LTBP4: variants seen among roughly 807,000 people sequenced by gnomAD.
The protein encoded by LTBP4 is latent-transforming growth factor beta-binding protein 4.
In LTBP4, 93 loss-of-function variants were observed where a neutral mutation model predicts 180.2. The observed-to-expected ratio is 0.52, with a 90% CI of 0.44 to 0.61. LTBP4 has a LOEUF of 0.61. LTBP4 is among the 20% of genes least tolerant of loss of function. The pLI, the probability that LTBP4 is intolerant of heterozygous loss-of-function variation, is 0.00. For synonymous variants in LTBP4, 947 were observed against 934.5 expected (o/e 1.01, Z -0.24); for missense variants, 2,116 against 2,256.5 (o/e 0.94, Z 1.26).
chr19:40,606,582 C>A, intron 6 of LTBP4, 56 bp downstream of exon 6: 2 of 1,527,138 alleles, frequency 1.3e-6, no homozygotes, highest in Non-Finnish European at 1.8e-6. Context: ...CCTCAGAAGT[C>A]CCAGAGCATC....
chr19:40,597,308 C>A, upstream of LTBP4: 1 of 1,526,646 alleles, frequency 6.6e-7, no homozygotes. Flanking sequence ...GCAGCCGCCA[C>A]CTCCGCCGCC....
rs755535017 is a variant in LTBP4 at position 40,613,030 on chromosome 19, A to T, written c.2300-35A>T. The T allele has an allele frequency of 1.7e-5, 27 of 1,605,846 alleles. No homozygotes were observed. In the South Asian group the frequency reaches 3.0e-4, roughly 18 times the overall value. ...GGGGATTGGTCGGGTGTGTCCCGAG[A>T]CTGGACCCTTTCTGAACACCCCCAC... On this transcript the variant is annotated intron_variant, in intron 15 of 29. Transcript: ENST00000396819. This position sits in a 1 kb window ranked among gnomAD's most constrained non-coding sequence, Gnocchi z 5.0.
intron 6 of LTBP4, 47 bp downstream of exon 6, chr19:40,606,573 C>T (rs2081464193): frequency 1.3e-6 from 2 of 1,534,462 alleles, no homozygotes; most frequent in South Asian, 1.2e-5. Flanking sequence ...CCTCCCTGCC[C>T]TCAGAAGTCC....
chr19:40,599,481 A>C (rs1599857044), upstream of LTBP4: 1 of 1,613,822 alleles, frequency 6.2e-7, no homozygotes, highest in Non-Finnish European at 8.5e-7. Context: ...CGGTGCCTGA[A>C]CCCAGTGCCT....
Position 40,605,183 on chromosome 19 carries a change from C to T in LTBP4, c.399C>T (p.Ser133=). 6.2e-7 allele frequency: 1 copy of T among 1,608,244 alleles called. No individual in the cohort carries two copies. ...PAPAVPGLTR[S]VYTMPLANHR... Reference sequence around the variant, plus strand: ...CGGCTGTACCAGGCCTCACCCGCTCCGTGTACACTATGCCACTGGCCAACC... The same window carrying T: ...CGGCTGTACCAGGCCTCACCCGCTCTGTGTACACTATGCCACTGGCCAACC... The change falls in exon 2 of 30, where the codon TCC becomes TCT. Residue 133 remains serine (S), a synonymous_variant. Coordinates refer to ENST00000396819, the MANE Select transcript of LTBP4 (RefSeq NM_001042545.2). The surrounding 1 kb of genome is among the most constrained non-coding windows in gnomAD (Gnocchi z 5.5).
chr19:40,613,191 G>A lies in LTBP4; in HGVS notation c.2426G>A (p.Cys809Tyr). Residue 809 changes from cysteine to tyrosine, a missense_variant, in exon 16 of 30, where the codon TGC (cysteine) becomes TAC (tyrosine). Coordinates refer to ENST00000396819, the MANE Select transcript of LTBP4 (RefSeq NM_001042545.2). This position sits in a 1 kb window ranked among gnomAD's most constrained non-coding sequence, Gnocchi z 5.0. ...YRAPSGRPGP[C>Y]ADVNECLEGD... ...GCGCCGTCGGGTCGGCCCGGGCCCT[G>A]CGCAGGTGAGCAGCATAGGGACCCG... The A allele has an allele frequency of 6.4e-7, 1 of 1,566,380 alleles. No homozygotes were observed. Among genetic ancestry groups the A allele is most frequent in the Non-Finnish European group, 8.7e-7 (1 of 1,155,754 alleles).
At chr19:40,600,696 C>T (rs189177722), upstream of LTBP4, among the ~76,000 whole-genome samples, 1 of 152,158 alleles carries the variant, frequency 6.6e-6, no homozygotes, top group Non-Finnish European at 1.5e-5. The surrounding 1 kb of genome is among the most constrained non-coding windows in gnomAD (Gnocchi z 4.4). Context: ...TGTGACCCCT[C>T]CCCCTAAAGT....
intron 22 of LTBP4, among the ~76,000 whole-genome samples, chr19:40,620,757 G>A (rs2081580942): frequency 9.8e-6 from 1 of 102,426 alleles, no homozygotes. Context: ...GAGAGAGGAA[G>A]ACTCCGTCCC....
chr19:40,606,909 G>A (rs757214517), intron 6 of LTBP4, among the ~76,000 whole-genome samples: 2 of 152,080 alleles, frequency 1.3e-5, no homozygotes, highest in South Asian at 2.1e-4. Flanking sequence ...CACCATGCCC[G>A]GCTAAATTTT....
At chr19:40,600,090 CT>C (rs747013505), upstream of LTBP4, 171 of 1,261,218 alleles carry the variant, frequency 1.4e-4, no homozygotes, top group Non-Finnish European at 1.6e-4. The surrounding 1 kb of genome is among the most constrained non-coding windows in gnomAD (Gnocchi z 4.4). Flanking sequence ...CAGAGCTCTA[CT>C]GAAGCGGCGG....
chr19:40,613,529 G>C lies in LTBP4; in HGVS notation c.2557G>C (p.Asp853His). Residue 853 changes from aspartate (D) to histidine (H), a missense_variant and splice_region_variant, in exon 17 of 30, where the codon GAC becomes CAC. This residue lies in a region of LTBP4 where 877 missense variants were observed against 873.6 expected (regional missense o/e 1.00). Coordinates refer to ENST00000396819, the MANE Select transcript of LTBP4 (RefSeq NM_001042545.2). This position sits in a 1 kb window ranked among gnomAD's most constrained non-coding sequence, Gnocchi z 5.0. ...RPGPRGASCL[D>H]VDECSEEDLC... ...CGGACCCCGCGGAGCCTCTTGCCTC[G>C]GTTCGTACCCGGGCTGATCCTGGCC... 1 of 1,566,204 alleles carries C rather than the reference G, an allele frequency of 6.4e-7. No individual in the cohort carries two copies. The highest frequency in any genetic ancestry group is 1.2e-5 in the South Asian group (1 of 85,480).
At position 40,622,747 on chromosome 19, in the gene LTBP4, C is replaced by G. The variant is rs1445083924; in HGVS notation, c.3484+80C>G. The G allele has an allele frequency of 1.3e-6, 2 of 1,492,754 alleles. No individual in the cohort carries two copies. Among genetic ancestry groups the G allele is most frequent in the Non-Finnish European group, 1.8e-6 (2 of 1,117,504 alleles). 92.5% of individuals were successfully genotyped at this position (1,492,754 alleles called of 1,614,324 possible). A position where few individuals can be genotyped will look rare whatever the true frequency, so the allele number is the denominator to read the frequency against. On this transcript the variant is annotated intron_variant, in intron 23 of 29. Coordinates refer to ENST00000396819, the MANE Select transcript of LTBP4 (RefSeq NM_001042545.2). This position sits in a 1 kb window ranked among gnomAD's most constrained non-coding sequence, Gnocchi z 5.1. ...TGGGGTGTGGGCCTGGGACAGGGGA[C>G]ACTTTTGGACAGGGCCTTGAGGTAC...
chr19:40,606,430 C>T lies in LTBP4; in HGVS notation c.895C>T (p.Arg299Cys). 1 of 1,592,062 alleles carries T rather than the reference C, an allele frequency of 6.3e-7. No homozygotes were observed. Among genetic ancestry groups the T allele is most frequent in the Non-Finnish European group, 8.6e-7 (1 of 1,169,058 alleles). The change falls in exon 6 of 30, where the codon CGC (arginine) becomes TGC (cysteine). Residue 299 changes from arginine to cysteine, a missense_variant. Physicochemically the swap from Arg to Cys is radical, Grantham distance 180. Coordinates refer to ENST00000396819, the MANE Select transcript of LTBP4 (RefSeq NM_001042545.2). ...EDVDECATGG[R>C]CQHGECANTR... The stretch of plus-strand genomic sequence containing the variant: ...TGTGGATGAGTGCGCGACTGGCGGG[C>T]GCTGCCAGCACGGCGAGTGTGCAAA...
rs1392530406 is a variant in LTBP4, at chr19:40,601,424, T to C, written c.37T>C (p.Leu13=). 7.6e-6 allele frequency: 11 copies of C among 1,442,256 alleles called. No individual in the cohort carries two copies. The highest frequency in any genetic ancestry group is 2.2e-4 in the Middle Eastern group (1 of 4,492). 89.3% of individuals were successfully genotyped at this position (1,442,256 alleles called of 1,614,324 possible). Residue 13 remains leucine, a synonymous_variant, in exon 1 of 30, where the codon TTG becomes CTG. Coordinates refer to ENST00000396819, the MANE Select transcript of LTBP4 (RefSeq NM_001042545.2). ...GGVRLLWVSL[L]VLLAQLGPQP... ...CGTGCGGCTGCTCTGGGTGTCGCTA[T>C]TGGTGCTGCTGGCGCAGCTAGGGCC...
At chr19:40,621,620 G>T (rs1328885341) in intron 22 of LTBP4, among the ~76,000 whole-genome samples, 2 of 152,102 alleles carry the variant, frequency 1.3e-5, no homozygotes, top group Non-Finnish European at 2.9e-5. Context: ...GGACAGGAGA[G>T]AACAGGGCTG....
At chr19:40,608,188 G>C (rs2081476901) in intron 7 of LTBP4, 32 bp from the exon 8 acceptor site, 12 of 1,613,124 alleles carry the variant, frequency 7.4e-6, no homozygotes, top group Non-Finnish European at 8.5e-6. Flanking sequence ...CCGCTCTCTT[G>C]TCCTCTCTCT....
At position 40,627,818 on chromosome 19, in the gene LTBP4, G is replaced by A. The variant is rs1317550128; in HGVS notation, c.4480G>A (p.Asp1494Asn). Residue 1494 changes from aspartate to asparagine, a missense_variant, in exon 29 of 30, where the codon GAC (aspartate) becomes AAC (asparagine). Around this residue, in one of 5 missense-constraint regions of LTBP4, gnomAD observed 488 missense variants for 458.8 expected, o/e 1.06. Transcript: ENST00000396819. ...VPEGFTCRCFDGYRLDMTRMA... is the reference protein window; with the variant it reads ...VPEGFTCRCFNGYRLDMTRMA... ...CGAAGGCTTCACCTGCCGTTGCTTC[G>A]ACGGCTACCGCCTGGACATGACCCG... 6.4e-6 allele frequency: 10 copies of A among 1,570,364 alleles called. No homozygotes were observed. The highest frequency in any genetic ancestry group is 2.3e-5 in the East Asian group (1 of 42,796).
At chr19:40,599,070 C>T (rs1001725218), upstream of LTBP4, 1 of 845,246 alleles carries the variant, frequency 1.2e-6, no homozygotes, top group Non-Finnish European at 2.0e-6. Context: ...GGGAGAAGAA[C>T]CTCGTTAGTC....
At chr19:40,604,939 G>C (rs1265760337) in intron 1 of LTBP4, 96 bp from the exon 2 acceptor site, 1 of 1,141,632 alleles carries the variant, frequency 8.8e-7, no homozygotes, top group Non-Finnish European at 1.2e-6. Flanking sequence ...TAAGGGCGGA[G>C]CGACTTAGAA....
Sources: gnomAD v4.1 joint callset for allele counts (sites outside exome capture counted in the v4.1 genomes callset) on GRCh38, gnomAD v4.1.1 for gene constraint, gnomAD v4.1.1 regional missense constraint, Gnocchi (gnomAD v3.1) non-coding constraint, MANE v1.5 for transcripts, NCBI Gene and HGNC (gene_info 2026-07-23, HGNC 2026-07-21) for gene names.